ANKRD42: variants seen among roughly 807,000 people sequenced by gnomAD.
The protein encoded by ANKRD42 is ankyrin repeat domain-containing protein 42.
Under a neutral mutation model 51.5 loss-of-function variants are expected in ANKRD42, and 43 were observed. The observed-to-expected ratio is 0.83, with a 90% CI of 0.65 to 1.08. The LOEUF (loss-of-function observed/expected upper bound fraction) is 1.08. ANKRD42 is among the 50% of genes least tolerant of loss of function. The pLI is 0.00. For missense variants in ANKRD42, 608 were observed against 629.3 expected (o/e 0.97, Z 0.36); for synonymous variants, 203 against 213.0 (o/e 0.95, Z 0.41).
rs375143019 is a variant in ANKRD42 at position 83,197,699 on chromosome 11, T to C, written c.59-780T>C. 2.0e-5 allele frequency among the ~76,000 whole-genome samples: 3 copies of C among 152,240 alleles called. No homozygotes were observed. The East Asian group carries it at 5.8e-4, about 29-fold the overall frequency. On this transcript the variant is annotated intron_variant, in intron 1 of 10. Transcript: ENST00000533342. The stretch of plus-strand genomic sequence containing the variant: ...TAATAGTTATCTGTTCGTGCTTAGA[T>C]ACCTTTATTGCCTCTGGTTCACAAT...
intron 1 of ANKRD42, 137 bp from the exon 2 acceptor site, chr11:83,198,334 TTTAAGATA>T: frequency 1.3e-6 from 1 of 791,648 alleles, no homozygotes; most frequent in Non-Finnish European, 1.9e-6. Context: ...CAGAAGTCTG[TTTAAGATA>T]TTAATGACAA....
At chr11:83,217,768 T>C (rs183196227) in intron 5 of ANKRD42, among the ~76,000 whole-genome samples, 1 of 152,228 alleles carries the variant, frequency 6.6e-6, no homozygotes, top group Admixed American at 6.5e-5. Flanking sequence ...TGTTTCTGGT[T>C]GGACAATCTT....
At chr11:83,222,773 T>C (rs1415679528) in intron 5 of ANKRD42, among the ~76,000 whole-genome samples, 4 of 152,286 alleles carry the variant, frequency 2.6e-5, no homozygotes. Flanking sequence ...GGTTTGTTTG[T>C]TTTTTCTTTC....
At chr11:83,252,919 G>C (rs1490918646), downstream of ANKRD42, among the ~76,000 whole-genome samples, 1 of 152,130 alleles carries the variant, frequency 6.6e-6, no homozygotes, top group African/African-American at 2.4e-5. Context: ...TCTGTCCAGA[G>C]AGAGAGTTAT....
Position 83,236,434 on chromosome 11 carries a change from A to T in ANKRD42, c.944A>T (p.Gln315Leu). 1.2e-6 allele frequency: 2 copies of T among 1,611,872 alleles called. No homozygotes were observed. The highest frequency in any genetic ancestry group is 1.7e-6 in the Non-Finnish European group (2 of 1,179,224). Residue 315 changes from glutamine (Q) to leucine (L), a missense_variant, in exon 8 of 11, where the codon CAG becomes CTG. By Grantham distance (113) the Gln-to-Leu change is moderately radical. Transcript: ENST00000533342. ...AAGQGHIECL[Q>L]WLIKMGADSN... The stretch of plus-strand genomic sequence containing the variant: ...GGACAAGGCCACATAGAGTGTTTGC[A>T]GTGGTTAATTAAAATGGGAGCAGAC...
intron 5 of ANKRD42, among the ~76,000 whole-genome samples, chr11:83,218,227 C>G (rs781079338): frequency 9.9e-5 from 15 of 152,156 alleles, no homozygotes; most frequent in Non-Finnish European, 2.2e-4. Context: ...CTTCCTCAAC[C>G]CTTCTAAAAT....
At chr11:83,263,946 A>T (rs1337027348), downstream of ANKRD42, among the ~76,000 whole-genome samples, 1 of 152,242 alleles carries the variant, frequency 6.6e-6, no homozygotes, top group African/African-American at 2.4e-5. Flanking sequence ...CTGCCCAGAA[A>T]ATGACTAAGA....
chr11:83,195,483 C>T (rs1435183166), intron 1 of ANKRD42, among the ~76,000 whole-genome samples: 1 of 152,200 alleles, frequency 6.6e-6, no homozygotes, highest in African/African-American at 2.4e-5. Context: ...TTCCGTATCT[C>T]TCCTCGGAGC....
intron 9 of ANKRD42, 128 bp downstream of exon 9, chr11:83,241,062 G>A (rs975786483): frequency 2.5e-5 from 28 of 1,106,168 alleles, no homozygotes; most frequent in Middle Eastern, 2.2e-4. Context: ...ATTTTTGGAG[G>A]AACTAGAACT....
intron 9 of ANKRD42, among the ~76,000 whole-genome samples, chr11:83,243,742 A>C (rs568925187): frequency 4.1e-5 from 6 of 146,360 alleles, no homozygotes; most frequent in Non-Finnish European, 6.0e-5. Context: ...GCTCACTGCA[A>C]GCTCCGCCTC....
chr11:83,248,086 T>C lies in ANKRD42; in HGVS notation c.1466T>C (p.Met489Thr). 6.4e-7 allele frequency: 1 copy of C among 1,570,898 alleles called. No homozygotes were observed. Among genetic ancestry groups the C allele is most frequent in the Non-Finnish European group, 8.6e-7 (1 of 1,157,898 alleles). ...EKIQVPNFVA[M>T]VGVLFNTFIF... ...ATTCAAGTCCCAAACTTTGTGGCTA[T>C]GGTTGGTGTCCTTTTTAATACATTT... The change falls in exon 11 of 11, where the codon ATG (methionine) becomes ACG (threonine). Residue 489 changes from methionine (M) to threonine (T), a missense_variant. Transcript: ENST00000533342.
At chr11:83,254,142 AT>A (rs1477629138) in intron 11 of ANKRD42, among the ~76,000 whole-genome samples, 2 of 151,338 alleles carry the variant, frequency 1.3e-5, no homozygotes, top group African/African-American at 4.9e-5. Context: ...GCCCAGCTAA[AT>A]TTTTTTGTAT....
At chr11:83,208,205 A>T (rs1476427269) in intron 3 of ANKRD42, among the ~76,000 whole-genome samples, 4 of 150,394 alleles carry the variant, frequency 2.7e-5, no homozygotes, top group African/African-American at 1.0e-4. Flanking sequence ...TTTTGTAGAG[A>T]TGTCTGTGGG....
At chr11:83,194,815 C>T (rs1286300792) in intron 1 of ANKRD42, 87 bp downstream of exon 1, 25 of 1,381,990 alleles carry the variant, frequency 1.8e-5, no homozygotes, top group Non-Finnish European at 2.4e-5. Context: ...TCTGGCATTT[C>T]CTTTTCTCAG....
At chr11:83,224,078 A>G (rs1304442524) in intron 5 of ANKRD42, among the ~76,000 whole-genome samples, 1 of 150,188 alleles carries the variant, frequency 6.7e-6, no homozygotes, top group African/African-American at 2.5e-5. Context: ...AGTTTTTTAT[A>G]GCTTTAAAAA....
At chr11:83,230,254 T>C (rs1317416916) in intron 7 of ANKRD42, among the ~76,000 whole-genome samples, 1 of 152,132 alleles carries the variant, frequency 6.6e-6, no homozygotes, top group East Asian at 1.9e-4. Flanking sequence ...AGTTTTGCCA[T>C]GTTGCCCAGG....
At chr11:83,245,369 C>A in intron 9 of ANKRD42, 129 bp from the exon 10 acceptor site, 1 of 949,752 alleles carries the variant, frequency 1.1e-6, no homozygotes, top group Non-Finnish European at 1.5e-6. Flanking sequence ...TACCAACCTT[C>A]CTCCACCCCC....
chr11:83,210,468 A>G, intron 4 of ANKRD42, 49 bp downstream of exon 4: 1 of 1,599,186 alleles, frequency 6.3e-7, no homozygotes, highest in Non-Finnish European at 8.5e-7. Context: ...TATAGATGGA[A>G]TAGCATTTGG....
intron 2 of ANKRD42, among the ~76,000 whole-genome samples, chr11:83,200,444 A>G (rs1300862748): frequency 6.6e-6 from 1 of 152,012 alleles, no homozygotes. Context: ...CAACTAGTCT[A>G]ACACTAAAAC....
Sources: allele counts gnomAD v4.1 joint callset (sites outside exome capture counted in the v4.1 genomes callset), GRCh38; gene constraint gnomAD v4.1.1; transcripts MANE v1.5; gene names NCBI Gene and HGNC (gene_info 2026-07-23, HGNC 2026-07-21).